Variants in MCPH1 observed in about 807,000 individuals in gnomAD.
MCPH1 encodes microcephalin.
A neutral mutation model predicts 84.5 loss-of-function variants in MCPH1; 104 were observed. That is an observed-to-expected ratio of 1.23 (90% CI 1.05 to 1.45). The LOEUF (loss-of-function observed/expected upper bound fraction) is 1.45. MCPH1 is among the 40% of genes most tolerant of loss of function. The pLI, the probability that MCPH1 is intolerant of heterozygous loss-of-function variation, is 0.00. For synonymous variants in MCPH1, 514 were observed against 366.8 expected (o/e 1.40, Z -4.58); for missense variants, 1,498 against 1,005.7 (o/e 1.49, Z -6.62).
intron 8 of MCPH1, 39 bp downstream of exon 8, chr8:6,445,586 A>G: frequency 1.3e-6 from 2 of 1,546,140 alleles, no homozygotes; most frequent in Non-Finnish European, 1.7e-6. Flanking sequence ...TTCGCTAAAT[A>G]AACATGTAAC....
chr8:6,626,781 C>T, intron 13 of MCPH1: 3 of 985,264 alleles, frequency 3.0e-6, no homozygotes, highest in Non-Finnish European at 3.6e-6. Flanking sequence ...GCGCGGTCCT[C>T]AAGGGTCTGC....
chr8:6,642,861 G>C (rs1257391176), intron 13 of MCPH1, 133 bp from the exon 14 acceptor site: 1 of 772,364 alleles, frequency 1.3e-6, no homozygotes, highest in Non-Finnish European at 2.2e-6. Flanking sequence ...CTATGGACGT[G>C]GGGGGGCCTA....
At chr8:6,567,734 G>A (rs1445866945) in intron 12 of MCPH1, among the ~76,000 whole-genome samples, 1 of 152,132 alleles carries the variant, frequency 6.6e-6, no homozygotes, top group Non-Finnish European at 1.5e-5. Flanking sequence ...CTGGGGGTCT[G>A]AGGCCACCCA....
chr8:6,516,030 C>T (rs1261046920), intron 12 of MCPH1, among the ~76,000 whole-genome samples: 4 of 152,204 alleles, frequency 2.6e-5, no homozygotes, highest in East Asian at 1.9e-4. Context: ...GACTTCTCCC[C>T]AGCATGGTTC....
At chr8:6,640,970 T>C (rs914751493) in intron 13 of MCPH1, among the ~76,000 whole-genome samples, 7 of 152,220 alleles carry the variant, frequency 4.6e-5, no homozygotes, top group East Asian at 1.9e-4. Context: ...TTCTCGTCCA[T>C]TGATCTGTTT....
chr8:6,636,600 C>A lies in MCPH1; in HGVS notation c.2453-6394C>A, dbSNP rs2042669. 4.9e-3 allele frequency among the ~76,000 whole-genome samples: 740 copies of A among 152,314 alleles called. 5 individuals are homozygous for A. The highest frequency in any genetic ancestry group is 0.016 in the African/African-American group (685 of 41,546). On this transcript the variant is annotated intron_variant, in intron 13 of 13. Coordinates refer to ENST00000344683, the MANE Select transcript of MCPH1 (RefSeq NM_024596.5). Reference sequence around the variant, plus strand: ...CCTCAAGCGATCTTCCCACCTCAGCCTCCGTTGTAGCTGGGACTACAGTCA... The same window carrying A: ...CCTCAAGCGATCTTCCCACCTCAGCATCCGTTGTAGCTGGGACTACAGTCA...
At chr8:6,501,912 T>G (rs1812273176) in intron 12 of MCPH1, 1 of 146,344 alleles carries the variant, frequency 6.8e-6, no homozygotes, top group South Asian at 2.2e-4. Flanking sequence ...CAGATTTTGT[T>G]TTTGCACTTT....
At chr8:6,510,640 G>A (rs892065708) in intron 12 of MCPH1, among the ~76,000 whole-genome samples, 4 of 152,176 alleles carry the variant, frequency 2.6e-5, no homozygotes, top group African/African-American at 7.2e-5. Flanking sequence ...AAACTTGTCC[G>A]AGGTCAGACT....
rs975480261 is a variant in MCPH1, at chr8:6,448,800, C to G, written c.1825+3253C>G. On this transcript the variant is annotated intron_variant, in intron 8 of 13. Coordinates refer to ENST00000344683, the MANE Select transcript of MCPH1 (RefSeq NM_024596.5). ...TAATAGAGCCTATAGGTAGGGTCAG[C>G]ACACTTTTTCTGTAACAGATCAGAT... 3.3e-5 allele frequency among the ~76,000 whole-genome samples: 5 copies of G among 152,274 alleles called. No individual in the cohort carries two copies. The East Asian group carries it at 9.7e-4, about 29-fold the overall frequency.
intron 12 of MCPH1, among the ~76,000 whole-genome samples, chr8:6,591,988 C>T (rs1034813024): frequency 5.3e-5 from 8 of 152,170 alleles, no homozygotes; most frequent in Non-Finnish European, 1.0e-4. Context: ...TTCGACAACG[C>T]AAAGTGAGAG....
chr8:6,485,241 C>T (rs566148126), intron 11 of MCPH1, among the ~76,000 whole-genome samples: 26 of 152,044 alleles, frequency 1.7e-4, no homozygotes, highest in African/African-American at 5.5e-4. Context: ...AGGAGAATCG[C>T]TTGAACTTGG....
chr8:6,620,224 G>A (rs905067562), intron 12 of MCPH1: 1 of 152,318 alleles, frequency 6.6e-6, no homozygotes, highest in East Asian at 1.9e-4. Context: ...TATTTATTAT[G>A]CTATAAAATT....
At chr8:6,634,191 A>G (rs1401144966) in intron 13 of MCPH1, among the ~76,000 whole-genome samples, 4 of 152,254 alleles carry the variant, frequency 2.6e-5, no homozygotes, top group Non-Finnish European at 5.9e-5. Context: ...CTGATCATGA[A>G]ACAAGCGAAG....
chr8:6,447,343 C>G, intron 8 of MCPH1: 1 of 985,322 alleles, frequency 1.0e-6, no homozygotes, highest in Non-Finnish European at 1.2e-6. Flanking sequence ...GGGGTGAAAA[C>G]TTCTGTACAG....
chr8:6,465,924 G>GATGCATCCATCC (rs368134296), intron 9 of MCPH1, among the ~76,000 whole-genome samples: 7,779 of 148,296 alleles, frequency 0.052, 255 homozygotes, highest in East Asian at 0.13. Flanking sequence ...TTTATCTATC[G>GATGCATCCATCC]ATCCATCCAT....
At chr8:6,560,528 G>A (rs546036344) in intron 12 of MCPH1, among the ~76,000 whole-genome samples, 7 of 152,304 alleles carry the variant, frequency 4.6e-5, no homozygotes, top group African/African-American at 1.7e-4. Flanking sequence ...CCGAGCGAGA[G>A]TGCAAATTGC....
chr8:6,499,749 G>A, intron 11 of MCPH1, 103 bp from the exon 12 acceptor site: 3 of 921,210 alleles, frequency 3.3e-6, no homozygotes, highest in Non-Finnish European at 5.4e-6. Context: ...TTTCAGATCT[G>A]CGGAGTGTAT....
At chr8:6,421,814 G>C (rs1721215369) in intron 3 of MCPH1, among the ~76,000 whole-genome samples, 1 of 152,052 alleles carries the variant, frequency 6.6e-6, no homozygotes, top group Non-Finnish European at 1.5e-5. Flanking sequence ...CCCTTCCATT[G>C]TCAGCTGCTC....
chr8:6,632,595 G>A (rs763679024), intron 13 of MCPH1, among the ~76,000 whole-genome samples: 6 of 152,140 alleles, frequency 3.9e-5, no homozygotes, highest in Non-Finnish European at 8.8e-5. Context: ...GGATCACAAG[G>A]TCAGGAGATC....
Sources: allele counts gnomAD v4.1 joint callset (sites outside exome capture counted in the v4.1 genomes callset), GRCh38; gene constraint gnomAD v4.1.1; transcripts MANE v1.5; gene names NCBI Gene and HGNC (gene_info 2026-07-23, HGNC 2026-07-21).